Variants in SKIC3 observed in about 807,000 individuals in gnomAD.
SKIC3 encodes superkiller complex protein 3.
At chr5:95,550,732 G>A in the SKIC3 span, 1 of 152,326 alleles carries the variant, frequency 6.6e-6, no homozygotes, top group Admixed American at 6.6e-5. Flanking sequence ...ACTTTTTAAC[G>A]CATCAATTTT....
At chr5:95,543,410 C>T in the SKIC3 span, 1 of 1,482,950 alleles carries the variant, frequency 6.7e-7, no homozygotes, top group Admixed American at 1.7e-5. Context: ...TAGCATGAGT[C>T]AGGAAATCTA....
chr5:95,535,307 A>ATTTTTTTTTTTTTTTTTTTTTTTTTT, the SKIC3 span, among the ~76,000 whole-genome samples: 1 of 91,808 alleles, frequency 1.1e-5, no homozygotes, highest in African/African-American at 4.3e-5. Flanking sequence ...GGTAACAGCA[A>ATTTTTTTTTTTTTTTTTTTTTTTTTT]TTTTTTTTTT....
the SKIC3 span, chr5:95,517,240 A>G: frequency 6.2e-7 from 1 of 1,613,424 alleles, no homozygotes. Context: ...TTCACTTTAG[A>G]TGGTGCGACA....
the SKIC3 span, among the ~76,000 whole-genome samples, chr5:95,536,331 G>A: frequency 6.6e-6 from 1 of 152,186 alleles, no homozygotes; most frequent in East Asian, 1.9e-4. Flanking sequence ...CATCAACACT[G>A]AGGCAGCTAA....
the SKIC3 span, chr5:95,470,020 A>C: frequency 1.5e-6 from 2 of 1,325,256 alleles, no homozygotes; most frequent in Non-Finnish European, 2.1e-6. Flanking sequence ...TCTGTCACCC[A>C]GCCTGGAGTG....
chr5:95,537,325 T>A, the SKIC3 span, among the ~76,000 whole-genome samples: 3 of 152,194 alleles, frequency 2.0e-5, no homozygotes, highest in Non-Finnish European at 4.4e-5. Flanking sequence ...TAACTCCAAC[T>A]GGCCAGCAAA....
the SKIC3 span, among the ~76,000 whole-genome samples, chr5:95,554,225 A>T: frequency 3.9e-5 from 6 of 152,184 alleles, no homozygotes; most frequent in Admixed American, 1.3e-4. Flanking sequence ...GCAAAAAAAA[A>T]CCTGCCAGAT....
chr5:95,489,915 T>TA, the SKIC3 span, among the ~76,000 whole-genome samples: 14 of 152,166 alleles, frequency 9.2e-5, no homozygotes, highest in Admixed American at 9.2e-4. Flanking sequence ...TATAATCTAA[T>TA]ACCATTAAAC....
the SKIC3 span, chr5:95,495,253 A>T: frequency 2.0e-6 from 1 of 490,796 alleles, no homozygotes; most frequent in Admixed American, 3.6e-5. Context: ...TATTCATTTG[A>T]AGGTTCAAAA....
the SKIC3 span, chr5:95,464,616 G>C: frequency 1.4e-5 from 22 of 1,611,516 alleles, 1 homozygote; most frequent in African/African-American, 2.3e-4. Context: ...GTTATTGTGA[G>C]GACAATCTCT....
At chr5:95,552,875 G>C in the SKIC3 span, among the ~76,000 whole-genome samples, 1 of 152,126 alleles carries the variant, frequency 6.6e-6, no homozygotes, top group East Asian at 1.9e-4. Flanking sequence ...AATAAATGGT[G>C]GCGAGGGAGT....
chr5:95,543,072 T>C, the SKIC3 span: 29 of 1,310,068 alleles, frequency 2.2e-5, no homozygotes, highest in Non-Finnish European at 2.9e-5. Flanking sequence ...AATTTTTTCT[T>C]ACATGGGGCA....
chr5:95,547,690 A>T, the SKIC3 span, among the ~76,000 whole-genome samples: 1 of 152,088 alleles, frequency 6.6e-6, no homozygotes, highest in Non-Finnish European at 1.5e-5. Context: ...GATCTTGTTG[A>T]TCAGGACTCA....
chr5:95,528,892 T>C, the SKIC3 span: 7 of 882,284 alleles, frequency 7.9e-6, no homozygotes, highest in African/African-American at 8.5e-5. Flanking sequence ...CAATTTAAAA[T>C]ACAAAATATA....
At chr5:95,472,556 G>A in the SKIC3 span, among the ~76,000 whole-genome samples, 2 of 152,030 alleles carry the variant, frequency 1.3e-5, no homozygotes, top group African/African-American at 2.4e-5. Context: ...AAGCATGCCA[G>A]GGGGAAAATG....
At chr5:95,472,793 G>T in the SKIC3 span, among the ~76,000 whole-genome samples, 1 of 152,126 alleles carries the variant, frequency 6.6e-6, no homozygotes, top group African/African-American at 2.4e-5. Flanking sequence ...AGTGTCTGTT[G>T]TTCCCATGTT....
the SKIC3 span, among the ~76,000 whole-genome samples, chr5:95,507,692 C>T: frequency 6.6e-6 from 1 of 152,050 alleles, no homozygotes; most frequent in Non-Finnish European, 1.5e-5. Flanking sequence ...GCATGAAAAA[C>T]AAGAATTTGC....
the SKIC3 span, among the ~76,000 whole-genome samples, chr5:95,486,730 C>T: frequency 2.8e-4 from 42 of 152,158 alleles, 1 homozygote; most frequent in Admixed American, 2.3e-3. Context: ...CCGCTAACAC[C>T]GCAGCTGGCA....
At chr5:95,534,203 T>C in the SKIC3 span, among the ~76,000 whole-genome samples, 2 of 151,530 alleles carry the variant, frequency 1.3e-5, no homozygotes, top group Admixed American at 1.3e-4. Context: ...AGAACTCAGC[T>C]TCCTATCAGG....
Sources: allele counts gnomAD v4.1 joint callset (sites outside exome capture counted in the v4.1 genomes callset), GRCh38; gene constraint gnomAD v4.1.1; transcripts MANE v1.5; gene names NCBI Gene and HGNC (gene_info 2026-07-23, HGNC 2026-07-21).